Variants in USP49 observed in about 807,000 individuals in gnomAD.
The protein encoded by USP49 is ubiquitin specific peptidase 49.
A neutral mutation model predicts 58.6 loss-of-function variants in USP49; 24 were observed. The observed-to-expected ratio is 0.41, with a 90% CI of 0.30 to 0.58. USP49 has a LOEUF of 0.58. Among genes scored for constraint, USP49 ranks in the 20% least tolerant of loss-of-function variants. The pLI is 0.30. For missense variants in USP49, 703 were observed against 866.1 expected (o/e 0.81, Z 2.36); for synonymous variants, 408 against 365.1 (o/e 1.12, Z -1.34).
At position 41,792,739 on chromosome 6, in the gene USP49, C is replaced by T. The variant is rs1304354650; in HGVS notation, c.*3794G>A. On this transcript the variant is annotated 3_prime_UTR_variant, in exon 8 of 8. Coordinates refer to ENST00000682992, the MANE Select transcript of USP49 (RefSeq NM_001286554.2). ...GAGACATGAAATGCTTTTTAAAAGT[C>T]TGTGATACCAGATGTCCTTTAAACA... The T allele has an allele frequency of 2.0e-5, 3 of 152,252 alleles. No homozygotes were observed. Among genetic ancestry groups the T allele is most frequent in the Non-Finnish European group, 4.4e-5 (3 of 68,046 alleles). 9.4% of individuals were successfully genotyped at this position (152,252 alleles called of 1,614,324 possible).
At chr6:41,839,404 CAAAAAAAAAAAAAAAAAAAAAA>C (rs538220746) in intron 3 of USP49, among the ~76,000 whole-genome samples, 2 of 22,234 alleles carry the variant, frequency 9.0e-5, no homozygotes, top group South Asian at 4.8e-3. Flanking sequence ...GGCCTTGTCT[CAAAAAAAAAAAAAAAAAAAAAA>C]AAAAAAAAAA....
rs757926033 is a variant in USP49 at position 41,806,035 on chromosome 6, A to G, written c.949T>C (p.Leu317=). The change falls in exon 4 of 8, where the codon TTG becomes CTG. Residue 317 remains leucine (L), a synonymous_variant. Coordinates refer to ENST00000682992, the MANE Select transcript of USP49 (RefSeq NM_001286554.2). The surrounding 1 kb of genome is among the most constrained non-coding windows in gnomAD (Gnocchi z 5.9). ...PTNSSATELS[L]RNDRAEACER... ...CATGCCTCGGCCCTGTCATTTCTCAAGGACAGCTCCGTGGCCGAGCTGTTG... is the reference window on the plus strand; with the variant it reads ...CATGCCTCGGCCCTGTCATTTCTCAGGGACAGCTCCGTGGCCGAGCTGTTG... 1 of 1,614,006 alleles carries G rather than the reference A, an allele frequency of 6.2e-7. No individual in the cohort carries two copies. Among genetic ancestry groups the G allele is most frequent in the South Asian group, 1.1e-5 (1 of 91,080 alleles).
intron 3 of USP49, among the ~76,000 whole-genome samples, chr6:41,831,577 T>A (rs1773636080): frequency 2.1e-5 from 2 of 93,558 alleles, no homozygotes; most frequent in African/African-American, 9.0e-5. Flanking sequence ...CAAAACTCCA[T>A]CTCAAAAAAA....
intron 3 of USP49, among the ~76,000 whole-genome samples, chr6:41,868,015 T>G (rs1324962454): frequency 6.6e-6 from 1 of 152,162 alleles, no homozygotes; most frequent in Non-Finnish European, 1.5e-5. Flanking sequence ...AGATATTTGG[T>G]TTTTATGTCT....
chr6:41,870,720 C>G (rs948336982), intron 3 of USP49, among the ~76,000 whole-genome samples: 1 of 118,380 alleles, frequency 8.4e-6, no homozygotes, highest in Admixed American at 1.1e-4. Context: ...GAGATGAGGT[C>G]TTGCTATATT....
At chr6:41,833,102 C>T (rs537860838) in intron 3 of USP49, 1 of 151,712 alleles carries the variant, frequency 6.6e-6, no homozygotes, top group African/African-American at 2.4e-5. Context: ...CTGCAACCTC[C>T]ACCTCCCAGG....
At chr6:41,882,991 T>A (rs1450983218) in intron 2 of USP49, among the ~76,000 whole-genome samples, 4 of 151,760 alleles carry the variant, frequency 2.6e-5, no homozygotes, top group Non-Finnish European at 4.4e-5. Context: ...ATTTATATGG[T>A]CCAAAACCAA....
chr6:41,804,098 C>T, intron 4 of USP49, 88 bp from the exon 5 acceptor site: 1 of 1,181,128 alleles, frequency 8.5e-7, no homozygotes. Flanking sequence ...CACACTTTAT[C>T]AAAACTAAGT....
chr6:41,881,260 T>C (rs1010936416), intron 2 of USP49, among the ~76,000 whole-genome samples: 3 of 89,276 alleles, frequency 3.4e-5, no homozygotes, highest in Non-Finnish European at 6.1e-5. Flanking sequence ...AGCATAAGCC[T>C]ACTGTTCAGA....
chr6:41,864,943 A>C (rs1465152893), intron 3 of USP49, among the ~76,000 whole-genome samples: 1 of 152,240 alleles, frequency 6.6e-6, no homozygotes, highest in East Asian at 1.9e-4. Context: ...CTCACCAGGC[A>C]AAGAAAATCT....
chr6:41,848,431 A>G (rs1248410740), intron 3 of USP49, among the ~76,000 whole-genome samples: 5 of 152,100 alleles, frequency 3.3e-5, no homozygotes, highest in Non-Finnish European at 7.4e-5. Context: ...CAGTGGCACT[A>G]TCATGGTTCA....
chr6:41,871,197 T>A (rs1774407191), intron 3 of USP49, among the ~76,000 whole-genome samples: 1 of 152,146 alleles, frequency 6.6e-6, no homozygotes, highest in Non-Finnish European at 1.5e-5. Flanking sequence ...ACAAACATCA[T>A]AGCAACTGAC....
intron 3 of USP49, among the ~76,000 whole-genome samples, chr6:41,834,049 AAACATGCACGCC>A (rs1773683010): frequency 6.6e-6 from 1 of 152,244 alleles, no homozygotes; most frequent in Non-Finnish European, 1.5e-5. Context: ...AAGAACATTG[AAACATGCACGCC>A]CATCACTAGG....
chr6:41,842,164 G>T (rs1773838917), intron 3 of USP49, among the ~76,000 whole-genome samples: 1 of 151,962 alleles, frequency 6.6e-6, no homozygotes, highest in South Asian at 2.1e-4. Context: ...TAAAAAACTA[G>T]CAAAATTACT....
intron 2 of USP49, among the ~76,000 whole-genome samples, chr6:41,874,972 GAGAGAGAGAGAGAAAGAAAGAA>G (rs536769179): frequency 1.3e-4 from 20 of 151,540 alleles, no homozygotes; most frequent in African/African-American, 3.4e-4. Context: ...AAAAAAGAAA[GAGAGAGAGAGAGAAAGAAAGAA>G]AGAGAGAGAG....
In USP49 at chr6:41,806,603, G is replaced by A. The variant is rs368104837; in HGVS notation, c.381C>T (p.Val127=). 1 of 1,608,520 alleles carries A rather than the reference G, an allele frequency of 6.2e-7. No homozygotes were observed. The highest frequency in any genetic ancestry group is 1.3e-5 in the African/African-American group (1 of 74,904). The change falls in exon 4 of 8, where the codon GTC becomes GTT. Residue 127 remains valine, a synonymous_variant. Coordinates refer to ENST00000682992, the MANE Select transcript of USP49 (RefSeq NM_001286554.2). This position sits in a 1 kb window ranked among gnomAD's most constrained non-coding sequence, Gnocchi z 5.9. ...GTCCCTGAGGAGCGCGCTGCGGCAG[G>A]ACCACGTCCTCACCCGAAGCCATGG... ...LRSMASGEDV[V]LPQRAPQGQP...
chr6:41,816,393 A>T (rs1773350546), intron 3 of USP49, among the ~76,000 whole-genome samples: 1 of 152,134 alleles, frequency 6.6e-6, no homozygotes, highest in South Asian at 2.1e-4. Flanking sequence ...TTCTACACTT[A>T]ACACTGCACA....
chr6:41,888,173 A>G (rs1774748743), intron 2 of USP49, among the ~76,000 whole-genome samples: 2 of 149,250 alleles, frequency 1.3e-5, no homozygotes, highest in Admixed American at 1.3e-4. Context: ...TTGTTCCTCA[A>G]CCACCCAAGT....
chr6:41,843,150 C>A (rs1217976807), intron 3 of USP49, among the ~76,000 whole-genome samples: 1 of 152,210 alleles, frequency 6.6e-6, no homozygotes, highest in African/African-American at 2.4e-5. Context: ...GCTGGGGCTA[C>A]AGGCGTAGGC....
Sources: gnomAD v4.1 joint callset for allele counts (sites outside exome capture counted in the v4.1 genomes callset) on GRCh38, gnomAD v4.1.1 for gene constraint, Gnocchi (gnomAD v3.1) non-coding constraint, MANE v1.5 for transcripts, NCBI Gene and HGNC (gene_info 2026-07-23, HGNC 2026-07-21) for gene names.